The following CNTNAP5 variants were observed in gnomAD, a reference collection of about 807,000 sequenced individuals.
CNTNAP5 encodes the protein contactin associated protein family member 5.
Under a neutral mutation model 150.2 loss-of-function variants are expected in CNTNAP5, and 72 were observed. That is an observed-to-expected ratio of 0.48 (90% CI 0.40 to 0.58). The LOEUF is 0.58. CNTNAP5 is among the 20% of genes least tolerant of loss of function. The pLI, the probability that CNTNAP5 is intolerant of heterozygous loss-of-function variation, is 0.00. For missense variants in CNTNAP5, 1,636 were observed against 1,626.2 expected, an observed-to-expected ratio of 1.01 and a Z score of -0.10; for synonymous variants, 672 against 619.8, an observed-to-expected ratio of 1.08 and a Z score of -1.25.
At chr2:124,347,697 A>G (rs1027914376) in intron 3 of CNTNAP5, among the ~76,000 whole-genome samples, 1 of 152,324 alleles carries the variant, frequency 6.6e-6, no homozygotes, top group Admixed American at 6.5e-5. Context: ...ATTCACAACA[A>G]GCATTGCAGA....
chr2:124,606,432 A>G (rs1697107767), intron 11 of CNTNAP5, among the ~76,000 whole-genome samples: 1 of 152,204 alleles, frequency 6.6e-6, no homozygotes, highest in Admixed American at 6.5e-5. Context: ...ATAACAGAAA[A>G]ATGAACTAAG....
In CNTNAP5 at chr2:124,221,733, G is replaced by C; in HGVS notation, c.111G>C (p.Leu37=). Residue 37 remains leucine, a synonymous_variant, in exon 2 of 24, where the codon CTG becomes CTC. Transcript: ENST00000682447. ...NYNCDDPLAS[L]LSPMAFSSSS... is the part of the protein sequence containing the mutation. ...ACTGTGATGATCCACTAGCATCCCT[G>C]CTCTCTCCAATGGCTTTTTCCAGTT... 6.2e-7 allele frequency: 1 copy of C among 1,611,334 alleles called. No individual in the cohort carries two copies. Among genetic ancestry groups the C allele is most frequent in the Non-Finnish European group, 8.5e-7 (1 of 1,178,516 alleles).
chr2:124,359,772 G>C (rs1283741092), intron 3 of CNTNAP5, among the ~76,000 whole-genome samples: 2 of 59,320 alleles, frequency 3.4e-5, no homozygotes, highest in Middle Eastern at 0.012. Flanking sequence ...TGAAAAAAAT[G>C]TATATTCTGT....
At chr2:124,447,781 T>C (rs1014600226) in intron 6 of CNTNAP5, among the ~76,000 whole-genome samples, 1 of 152,128 alleles carries the variant, frequency 6.6e-6, no homozygotes, top group Non-Finnish European at 1.5e-5. Flanking sequence ...TGCTAAGCCT[T>C]GAAAGAATAG....
chr2:124,347,647 C>A (rs1418750060), intron 3 of CNTNAP5, among the ~76,000 whole-genome samples: 1 of 152,170 alleles, frequency 6.6e-6, no homozygotes, highest in Non-Finnish European at 1.5e-5. Context: ...GGTTGCCTAC[C>A]TGACTGATAT....
intron 12 of CNTNAP5, among the ~76,000 whole-genome samples, chr2:124,642,804 A>G (rs1678121016): frequency 6.6e-6 from 1 of 152,230 alleles, no homozygotes; most frequent in African/African-American, 2.4e-5. Context: ...ACATATTTAA[A>G]CACAAAAATG....
intron 19 of CNTNAP5, among the ~76,000 whole-genome samples, chr2:124,842,567 T>C (rs942802808): frequency 6.6e-6 from 1 of 152,188 alleles, no homozygotes; most frequent in African/African-American, 2.4e-5. Flanking sequence ...GGACTCTTTT[T>C]CTATGCAAAT....
chr2:124,156,687 G>T (rs1047750751), intron 1 of CNTNAP5, among the ~76,000 whole-genome samples: 2 of 152,084 alleles, frequency 1.3e-5, no homozygotes, highest in Admixed American at 6.5e-5. Flanking sequence ...TAGAGACGGG[G>T]TTTCTCCATG....
At chr2:124,384,829 T>A (rs1177567124) in intron 3 of CNTNAP5, among the ~76,000 whole-genome samples, 3 of 152,184 alleles carry the variant, frequency 2.0e-5, no homozygotes, top group African/African-American at 7.2e-5. Context: ...CCAGGGATGA[T>A]CTCAGAGACA....
Position 124,667,982 on chromosome 2 carries a change from T to TG in CNTNAP5, c.2077+20026dup, listed in dbSNP as rs200396640. Among the ~76,000 whole-genome samples the TG allele has an allele frequency of 8.5e-5, 13 of 152,328 alleles. No homozygotes were observed. In the East Asian group the frequency reaches 2.3e-3, roughly 27 times the overall value. On this transcript the variant is annotated intron_variant, in intron 13 of 23. Transcript: ENST00000682447. Reference sequence around the variant, plus strand: ...AAAGCTTTGCCACAGACGAATATGATGGAACTAGTTCATCAAATGATAAAA... The same window carrying TG: ...AAAGCTTTGCCACAGACGAATATGATGGGAACTAGTTCATCAAATGATAAAA...
intron 1 of CNTNAP5, among the ~76,000 whole-genome samples, chr2:124,188,934 C>T (rs1685398828): frequency 6.6e-6 from 1 of 151,920 alleles, no homozygotes; most frequent in Non-Finnish European, 1.5e-5. Context: ...GTTTCTTAAA[C>T]CTGGCCTAAA....
chr2:124,607,026 G>T (rs954508214), intron 11 of CNTNAP5, among the ~76,000 whole-genome samples: 12 of 152,022 alleles, frequency 7.9e-5, no homozygotes, highest in South Asian at 4.1e-4. Flanking sequence ...GCCATATGTG[G>T]ATTGTGTCTT....
At chr2:124,745,595 T>A (rs890448546) in intron 13 of CNTNAP5, among the ~76,000 whole-genome samples, 1 of 152,188 alleles carries the variant, frequency 6.6e-6, no homozygotes, top group Non-Finnish European at 1.5e-5. Flanking sequence ...TATTTTACAG[T>A]GATTTACAGT....
intron 12 of CNTNAP5, among the ~76,000 whole-genome samples, chr2:124,646,987 T>A (rs944828927): frequency 2.0e-5 from 3 of 152,100 alleles, no homozygotes; most frequent in Non-Finnish European, 4.4e-5. Context: ...AAAATAAAAA[T>A]TTTTTTAATA....
At chr2:124,262,618 G>A (rs934559207) in intron 3 of CNTNAP5, among the ~76,000 whole-genome samples, 4 of 151,234 alleles carry the variant, frequency 2.6e-5, no homozygotes, top group Non-Finnish European at 5.9e-5. Flanking sequence ...TTTTTGGGTG[G>A]AGGACAAAAT....
chr2:124,578,107 C>T (rs559013515), intron 11 of CNTNAP5, among the ~76,000 whole-genome samples: 160 of 138,426 alleles, frequency 1.2e-3, no homozygotes, highest in African/African-American at 4.1e-3. Flanking sequence ...GTCAGGAGTT[C>T]GAGACCAGCC....
At chr2:124,783,264 AAC>A (rs1028803866) in intron 17 of CNTNAP5, among the ~76,000 whole-genome samples, 20 of 152,306 alleles carry the variant, frequency 1.3e-4, no homozygotes, top group African/African-American at 4.8e-4. Flanking sequence ...GAAACAATAA[AAC>A]ACAGTACTAA....
At chr2:124,122,765 C>A (rs908677987) in intron 1 of CNTNAP5, among the ~76,000 whole-genome samples, 9 of 148,006 alleles carry the variant, frequency 6.1e-5, no homozygotes, top group Non-Finnish European at 1.0e-4. Context: ...AAAAGACACA[C>A]ACACACACAC....
chr2:124,827,376 A>C (rs889012019), intron 19 of CNTNAP5, among the ~76,000 whole-genome samples: 1 of 152,150 alleles, frequency 6.6e-6, no homozygotes, highest in East Asian at 1.9e-4. Flanking sequence ...GGGTCAGTTA[A>C]AGTCCTTGTA....
Sources: gnomAD v4.1 joint callset for allele counts (sites outside exome capture counted in the v4.1 genomes callset) on GRCh38, gnomAD v4.1.1 for gene constraint, MANE v1.5 for transcripts, NCBI Gene and HGNC (gene_info 2026-07-23, HGNC 2026-07-21) for gene names.